Variants in ANKS1B observed in about 807,000 individuals in gnomAD.
ANKS1B encodes the protein ankyrin repeat and sterile alpha motif domain-containing protein 1B.
In ANKS1B, 36 loss-of-function variants were observed where a neutral mutation model predicts 148.3. That is an observed-to-expected ratio of 0.24 (90% CI 0.19 to 0.32). The LOEUF is 0.32. ANKS1B is among the 10% of genes least tolerant of loss of function. ANKS1B has a pLI of 1.00. For synonymous variants in ANKS1B, 542 were observed against 560.8 expected (o/e 0.97, Z 0.47); for missense variants, 1,157 against 1,542.6 (o/e 0.75, Z 4.19).
intron 8 of ANKS1B, among the ~76,000 whole-genome samples, chr12:99,765,975 A>C (rs751263189): frequency 2.0e-5 from 3 of 152,112 alleles, no homozygotes; most frequent in Non-Finnish European, 4.4e-5. Flanking sequence ...AGGACTCACA[A>C]TCTCATGCTC....
intron 26 of ANKS1B, 84 bp from the exon 27 acceptor site, chr12:98,745,933 C>T (rs2097875312): frequency 2.8e-6 from 4 of 1,441,238 alleles, no homozygotes; most frequent in Non-Finnish European, 3.7e-6. Context: ...CGAACCCACG[C>T]GAGGCCCCTC....
intron 8 of ANKS1B, among the ~76,000 whole-genome samples, chr12:99,696,794 G>C (rs1163954944): frequency 6.6e-6 from 1 of 152,154 alleles, no homozygotes; most frequent in East Asian, 1.9e-4. Context: ...GAAAGGACAA[G>C]CCACAGACTT....
At chr12:99,090,651 G>A (rs1343800303) in intron 15 of ANKS1B, among the ~76,000 whole-genome samples, 1 of 152,038 alleles carries the variant, frequency 6.6e-6, no homozygotes, top group Non-Finnish European at 1.5e-5. Flanking sequence ...AACATAAATA[G>A]CATGGTAGCA....
intron 17 of ANKS1B, among the ~76,000 whole-genome samples, chr12:99,010,757 A>AT (rs1274510399): frequency 1.6e-3 from 154 of 96,120 alleles, no homozygotes; most frequent in Non-Finnish European, 2.6e-3. Flanking sequence ...TATTATTATT[A>AT]TTATTTTTTT....
At chr12:99,270,533 C>T (rs1353052771) in intron 12 of ANKS1B, among the ~76,000 whole-genome samples, 1 of 152,200 alleles carries the variant, frequency 6.6e-6, no homozygotes, top group Non-Finnish European at 1.5e-5. Context: ...TCCATGTTAA[C>T]TGTTGAATCC....
intron 14 of ANKS1B, among the ~76,000 whole-genome samples, chr12:99,165,840 T>C (rs2077140243): frequency 1.3e-5 from 2 of 152,030 alleles, no homozygotes; most frequent in South Asian, 4.1e-4. Flanking sequence ...GAAAACTATA[T>C]GTATTAGTGT....
intron 9 of ANKS1B, among the ~76,000 whole-genome samples, chr12:99,513,814 T>C (rs2153038033): frequency 6.6e-6 from 1 of 152,176 alleles, no homozygotes; most frequent in African/African-American, 2.4e-5. Flanking sequence ...ATCTTCTTTG[T>C]CTCCAGTCCT....
chr12:98,760,124 G>T (rs7300416), intron 25 of ANKS1B, among the ~76,000 whole-genome samples: 1 of 152,258 alleles, frequency 6.6e-6, no homozygotes, highest in African/African-American at 2.4e-5. Flanking sequence ...TTATCACTGC[G>T]TATTGAGACT....
intron 25 of ANKS1B, among the ~76,000 whole-genome samples, chr12:98,771,300 T>A (rs1461197439): frequency 1.3e-5 from 2 of 151,836 alleles, no homozygotes; most frequent in Non-Finnish European, 2.9e-5. Context: ...CCTGAGCAAC[T>A]GGGACTACAG....
intron 9 of ANKS1B, among the ~76,000 whole-genome samples, chr12:99,614,675 T>A (rs1044291160): frequency 6.6e-6 from 1 of 152,046 alleles, no homozygotes; most frequent in African/African-American, 2.4e-5. Flanking sequence ...ACATGTAGTA[T>A]ATTTATGTGA....
chr12:99,462,162 T>C (rs766650814), intron 10 of ANKS1B, among the ~76,000 whole-genome samples: 2 of 152,210 alleles, frequency 1.3e-5, no homozygotes, highest in Non-Finnish European at 2.9e-5. Flanking sequence ...ACTTCAGATA[T>C]AAAACATTTA....
chr12:98,907,011 G>A (rs1297850527), intron 17 of ANKS1B, among the ~76,000 whole-genome samples: 5 of 30,478 alleles, frequency 1.6e-4, no homozygotes, highest in Non-Finnish European at 4.3e-4. Context: ...TACTCTGTGT[G>A]TGTGTGTGTG....
chr12:99,697,791 C>T (rs1276140777), intron 8 of ANKS1B, among the ~76,000 whole-genome samples: 1 of 151,930 alleles, frequency 6.6e-6, no homozygotes, highest in Non-Finnish European at 1.5e-5. Context: ...ACAAATATAC[C>T]ACATTAATGT....
chr12:99,093,788 G>A (rs1373262589), intron 15 of ANKS1B, among the ~76,000 whole-genome samples: 1 of 152,154 alleles, frequency 6.6e-6, no homozygotes, highest in Non-Finnish European at 1.5e-5. Context: ...TAAGGATGAT[G>A]GGGTCTCTTG....
intron 17 of ANKS1B, among the ~76,000 whole-genome samples, chr12:98,968,333 C>T (rs1388295580): frequency 6.6e-6 from 1 of 152,128 alleles, no homozygotes; most frequent in African/African-American, 2.4e-5. Flanking sequence ...CCCCCCACCA[C>T]CCCAGATCTA....
intron 4 of ANKS1B, among the ~76,000 whole-genome samples, chr12:99,801,575 G>C (rs2041647763): frequency 6.6e-6 from 1 of 152,100 alleles, no homozygotes; most frequent in Non-Finnish European, 1.5e-5. Flanking sequence ...AAAGAAATTG[G>C]ATACAATGAG....
chr12:99,569,900 G>A (rs899962304), intron 9 of ANKS1B, among the ~76,000 whole-genome samples: 3 of 150,164 alleles, frequency 2.0e-5, no homozygotes, highest in South Asian at 2.1e-4. Flanking sequence ...TCCCTAATAA[G>A]CCCTCCGATA....
chr12:99,162,492 G>A (rs919133166), intron 14 of ANKS1B, among the ~76,000 whole-genome samples: 1 of 151,898 alleles, frequency 6.6e-6, no homozygotes, highest in African/African-American at 2.4e-5. Flanking sequence ...TTAGTGCTCT[G>A]GGTTTTTTTT....
intron 17 of ANKS1B, among the ~76,000 whole-genome samples, chr12:99,010,317 G>A (rs747239394): frequency 2.6e-5 from 4 of 152,210 alleles, no homozygotes; most frequent in Non-Finnish European, 5.9e-5. Context: ...AAGGGTTGTT[G>A]TGAGGATTAA....
Sources: gnomAD v4.1 joint callset for allele counts (sites outside exome capture counted in the v4.1 genomes callset) on GRCh38, gnomAD v4.1.1 for gene constraint, MANE v1.5 for transcripts, NCBI Gene and HGNC (gene_info 2026-07-23, HGNC 2026-07-21) for gene names.